ANKRD17: variants seen among roughly 807,000 people sequenced by gnomAD.
ANKRD17 encodes the protein ankyrin repeat domain 17.
ANKRD17 carries 19 observed loss-of-function variants against 229.7 expected under a neutral mutation model. The ratio of observed to expected loss-of-function variants is 0.08; its 90% CI spans 0.06 to 0.12. The LOEUF is 0.12. Among genes scored for constraint, ANKRD17 ranks in the 10% least tolerant of loss-of-function variants. The pLI is 1.00. For synonymous variants in ANKRD17, 1,112 were observed against 1,146.1 expected, an observed-to-expected ratio of 0.97 and a Z score of 0.60; for missense variants, 2,176 against 3,176.8, an observed-to-expected ratio of 0.68 and a Z score of 7.57.
chr4:73,185,042 T>C (rs1196208642), intron 1 of ANKRD17, among the ~76,000 whole-genome samples: 1 of 152,000 alleles, frequency 6.6e-6, no homozygotes, highest in Non-Finnish European at 1.5e-5. Context: ...AAATGCATTA[T>C]GTGAGGTGAA....
rs1553911934 is a variant in ANKRD17, at chr4:73,091,563, G to A, written c.6065C>T (p.Thr2022Ile). The A allele has an allele frequency of 4.3e-6, 7 of 1,614,198 alleles. No homozygotes were observed. The highest frequency in any genetic ancestry group is 3.3e-5 in the Admixed American group (2 of 60,012). Residue 2022 changes from threonine (T) to isoleucine (I), a missense_variant, in exon 29 of 34, where the codon ACT (threonine) becomes ATT (isoleucine). Thr to Ile is a moderately conservative substitution (Grantham distance 89). Coordinates refer to ENST00000358602, the MANE Select transcript of ANKRD17 (RefSeq NM_032217.5). The stretch of plus-strand genomic sequence containing the variant: ...AGGATATGTGGCATTTGTGGGTGCA[G>A]TGTTGTTGTTGCTTGCCGTGGTTGT... ...TVTTTASNNN[T>I]APTNATYPMP...
chr4:73,087,482 T>C (rs1049883948), intron 29 of ANKRD17, among the ~76,000 whole-genome samples: 3 of 152,158 alleles, frequency 2.0e-5, no homozygotes, highest in African/African-American at 7.2e-5. Flanking sequence ...TGGATTGACA[T>C]AATCACTGAA....
chr4:73,185,087 T>C (rs1736112342), intron 1 of ANKRD17, among the ~76,000 whole-genome samples: 3 of 152,102 alleles, frequency 2.0e-5, no homozygotes, highest in Admixed American at 2.0e-4. Context: ...AGCATAAACA[T>C]ACTTTATAAA....
At chr4:73,189,210 TAACAAC>T (rs201338588) in intron 1 of ANKRD17, among the ~76,000 whole-genome samples, 1 of 151,982 alleles carries the variant, frequency 6.6e-6, no homozygotes, top group Admixed American at 6.5e-5. Context: ...CTAAACGAGA[TAACAAC>T]AACAACAACA....
chr4:73,258,514 C>G lies in ANKRD17; in HGVS notation c.155G>C (p.Arg52Pro). The part of the protein sequence containing the change: ...SSRARSASSP[R>P]GMVRVCDLLL... ...CAGGTCGCAGACTCGCACCATCCCA[C>G]GAGGAGACGAGGCCGAGCGAGCTCT... The change falls in exon 1 of 34, where the codon CGT becomes CCT. Residue 52 changes from arginine to proline, a missense_variant. Physicochemically the swap from Arg to Pro is moderately radical, Grantham distance 103. Coordinates refer to ENST00000358602, the MANE Select transcript of ANKRD17 (RefSeq NM_032217.5). 1 of 1,545,526 alleles carries G rather than the reference C, an allele frequency of 6.5e-7. No individual in the cohort carries two copies.
At chr4:73,230,515 A>G (rs1742941245) in intron 1 of ANKRD17, among the ~76,000 whole-genome samples, 1 of 152,184 alleles carries the variant, frequency 6.6e-6, no homozygotes. Flanking sequence ...CACCTCCAAG[A>G]GGCTATAATC....
At position 73,258,263 on chromosome 4, in the gene ANKRD17, A is replaced by C. The variant is rs1745658186; in HGVS notation, c.393+13T>G. ...TCCCTTCCTCCCTCCTTCCTTTGAAACCAGGCCCTTGCCTCAGAAACCTCC... is the reference window on the plus strand; with the variant it reads ...TCCCTTCCTCCCTCCTTCCTTTGAACCCAGGCCCTTGCCTCAGAAACCTCC... On this transcript the variant is annotated intron_variant, in intron 1 of 33. Coordinates refer to ENST00000358602, the MANE Select transcript of ANKRD17 (RefSeq NM_032217.5). 6.2e-7 allele frequency: 1 copy of C among 1,613,376 alleles called. No homozygotes were observed.
rs1231229544 is a variant in ANKRD17, at chr4:73,076,417, G to A, written c.7753-127C>T. On this transcript the variant is annotated intron_variant, in intron 33 of 33. Transcript: ENST00000358602. The stretch of plus-strand genomic sequence containing the variant: ...ATACTAGGAACTAATGGAAAAAAAT[G>A]ATAAAAACCTTTTTTCTATTATTTT... The A allele has an allele frequency of 8.7e-6, 5 of 575,122 alleles. No individual in the cohort carries two copies. In the Admixed American group the frequency reaches 1.3e-4, roughly 15 times the overall value. The allele number at this position is 575,122 out of a possible 1,614,324, so 35.6% of individuals were successfully genotyped here.
At chr4:73,090,375 A>G (rs1186114694) in intron 29 of ANKRD17, among the ~76,000 whole-genome samples, 3 of 152,332 alleles carry the variant, frequency 2.0e-5, no homozygotes, top group Admixed American at 6.5e-5. Context: ...ATGCCACTGC[A>G]CTCCAGCCTG....
rs773597753 is a variant in ANKRD17, at chr4:73,091,428, G to C, written c.6200C>G (p.Ser2067Cys). The C allele has an allele frequency of 1.2e-5, 19 of 1,614,078 alleles. No homozygotes were observed. The South Asian group carries it at 1.8e-4, about 15-fold the overall frequency. Residue 2067 changes from serine (S) to cysteine (C), a missense_variant, in exon 29 of 34, where the codon TCT becomes TGT. This residue lies in a region of ANKRD17 where 424 missense variants were observed against 454.0 expected (regional missense o/e 0.93). Coordinates refer to ENST00000358602, the MANE Select transcript of ANKRD17 (RefSeq NM_032217.5). The stretch of plus-strand genomic sequence containing the variant: ...GGAGGAAGATGCCACTTTATTTGGA[G>C]ATGCTGATCCACAATCCAAAGGGCT... ...RNSPLDCGSA[S>C]PNKVASSSEQ...
intron 1 of ANKRD17, among the ~76,000 whole-genome samples, chr4:73,188,787 G>C (rs1736636160): frequency 6.6e-6 from 1 of 151,954 alleles, no homozygotes; most frequent in South Asian, 2.1e-4. Context: ...CAGTTTCTTG[G>C]GTAAAGTCTA....
At chr4:73,224,338 C>T (rs956863969) in intron 1 of ANKRD17, among the ~76,000 whole-genome samples, 1 of 152,170 alleles carries the variant, frequency 6.6e-6, no homozygotes, top group Non-Finnish European at 1.5e-5. Flanking sequence ...AAAGTGATGT[C>T]ATGTTTTAGT....
Position 73,090,238 on chromosome 4 carries a change from C to A in ANKRD17, c.6961+429G>T, listed in dbSNP as rs1722657133. On this transcript the variant is annotated intron_variant, in intron 29 of 33. Transcript: ENST00000358602. ...CAGCTTGGTCAACATGGTGAAACCC[C>A]ATCTCTACTAAAAATACAAAAATCA... Among the ~76,000 whole-genome samples, 3 of 152,160 alleles carry A rather than the reference C, an allele frequency of 2.0e-5. No individual in the cohort carries two copies. The South Asian group carries it at 6.2e-4, about 32-fold the overall frequency.
chr4:73,229,923 C>T (rs1387646355), intron 1 of ANKRD17, among the ~76,000 whole-genome samples: 21 of 151,994 alleles, frequency 1.4e-4, no homozygotes. Flanking sequence ...TCAAATTACT[C>T]TTTTTAAAGC....
At chr4:73,117,052 AGAGTAATAACAT>A (rs535136768) in intron 22 of ANKRD17, among the ~76,000 whole-genome samples, 155 of 152,268 alleles carry the variant, frequency 1.0e-3, no homozygotes, top group African/African-American at 3.5e-3. Context: ...TCTAATAGTT[AGAGTAATAACAT>A]ATAAAAATAT....
At position 73,125,319 on chromosome 4, in the gene ANKRD17, G is replaced by A; in HGVS notation, c.3235-7C>T. Reference sequence around the variant, plus strand: ...TGTCATGATTACTCTCAGTCTATAAGAAATTATTTTTTGGTTAGTTTATTA... The same window carrying A: ...TGTCATGATTACTCTCAGTCTATAAAAAATTATTTTTTGGTTAGTTTATTA... On this transcript the variant is annotated splice_region_variant and splice_polypyrimidine_tract_variant and intron_variant, in intron 16 of 33. Transcript: ENST00000358602. 1 of 1,570,960 alleles carries A rather than the reference G, an allele frequency of 6.4e-7. No individual in the cohort carries two copies. Among genetic ancestry groups the A allele is most frequent in the Non-Finnish European group, 8.6e-7 (1 of 1,158,602 alleles).
At chr4:73,113,210 CAGAAAA>C in intron 24 of ANKRD17, 1 of 1,287,872 alleles carries the variant, frequency 7.8e-7, no homozygotes, top group South Asian at 1.2e-5. Flanking sequence ...GAAAATGTGG[CAGAAAA>C]GGGAAGTGAA....
intron 1 of ANKRD17, among the ~76,000 whole-genome samples, chr4:73,193,777 T>C (rs1431104316): frequency 6.6e-6 from 1 of 151,936 alleles, no homozygotes; most frequent in Non-Finnish European, 1.5e-5. Flanking sequence ...CCACAAAAAA[T>C]ACAAAAACTA....
At chr4:73,141,017 A>G (rs1306050997) in intron 14 of ANKRD17, among the ~76,000 whole-genome samples, 1 of 152,218 alleles carries the variant, frequency 6.6e-6, no homozygotes, top group Non-Finnish European at 1.5e-5. Flanking sequence ...ACCAACTGAA[A>G]AAGGTGCCAA....
Sources: gnomAD v4.1 joint callset for allele counts (sites outside exome capture counted in the v4.1 genomes callset) on GRCh38, gnomAD v4.1.1 for gene constraint, gnomAD v4.1.1 regional missense constraint, MANE v1.5 for transcripts, NCBI Gene and HGNC (gene_info 2026-07-23, HGNC 2026-07-21) for gene names.